Variants in SEPTIN4 observed in about 807,000 individuals in gnomAD.
SEPTIN4 encodes septin 4, also known as septin-4.
SEPTIN4 carries 52 observed loss-of-function variants against 107.1 expected under a neutral mutation model. That is an observed-to-expected ratio of 0.49 (90% CI 0.39 to 0.61). The LOEUF (loss-of-function observed/expected upper bound fraction) is 0.61. Ranked by LOEUF, SEPTIN4 falls within the 20% of genes least tolerant of loss-of-function variation. The pLI is 0.00. For synonymous variants in SEPTIN4, 417 were observed against 467.0 expected (o/e 0.89, Z 1.38); for missense variants, 1,048 against 1,243.5 (o/e 0.84, Z 2.36).
chr17:58,530,480 C>G (rs2043362396), intron 3 of SEPTIN4: 1 of 152,318 alleles, frequency 6.6e-6, no homozygotes, highest in South Asian at 2.1e-4. Context: ...CTGATCTGAA[C>G]CAGTCAGCCT....
intron 1 of SEPTIN4, 118 bp from the exon 2 acceptor site, chr17:58,542,084 C>T: frequency 8.5e-7 from 1 of 1,176,566 alleles, no homozygotes. Context: ...TGCCCTCAGC[C>T]CTTGGTCCTC....
rs148305920 is a variant in SEPTIN4, at chr17:58,543,972, G to C, written c.215C>G (p.Ser72Cys). 24 of 1,613,864 alleles carry C rather than the reference G, an allele frequency of 1.5e-5. No homozygotes were observed. The African/African-American group carries it at 2.8e-4, about 19-fold the overall frequency. Residue 72 changes from serine (S) to cysteine (C), a missense_variant, in exon 1 of 14, where the codon TCC (serine) becomes TGC (cysteine). Coordinates refer to ENST00000672673, the MANE Select transcript of SEPTIN4 (RefSeq NM_001368771.2). ...ATAGTGTCCAGGTCCTGACTGGAGG[G>C]AGACAGATCGAGGGTAGTCTGATGC... ...HSASDYPRSV[S>C]LQSGPGHYAV...
In SEPTIN4 at chr17:58,544,189, G is replaced by A. The variant is rs1261568857; in HGVS notation, c.-3C>T. ...CCAGGTTTATTTGTCTTGACCATCT[G>A]ATAGATTGTGCCCTTCTGAGTAGAT... is the stretch of plus-strand genomic sequence containing the variant. On this transcript the variant is annotated 5_prime_UTR_variant, in exon 1 of 14. Coordinates refer to ENST00000672673, the MANE Select transcript of SEPTIN4 (RefSeq NM_001368771.2). 1.2e-6 allele frequency: 2 copies of A among 1,606,436 alleles called. No homozygotes were observed. The highest frequency in any genetic ancestry group is 1.7e-5 in the Admixed American group (1 of 59,674).
At chr17:58,529,602 G>A (rs1342871609) in intron 3 of SEPTIN4, among the ~76,000 whole-genome samples, 1 of 152,156 alleles carries the variant, frequency 6.6e-6, no homozygotes, top group African/African-American at 2.4e-5. Context: ...CCTGTATGAG[G>A]ACTATGAGCT....
At chr17:58,520,956 G>C in intron 12 of SEPTIN4, 42 bp downstream of exon 12, 1 of 1,612,556 alleles carries the variant, frequency 6.2e-7, no homozygotes, top group African/African-American at 1.3e-5. Context: ...GGCTAGGCTT[G>C]GGATCTCCCC....
At chr17:58,541,029 T>C (rs2043863576) in intron 2 of SEPTIN4, among the ~76,000 whole-genome samples, 1 of 152,156 alleles carries the variant, frequency 6.6e-6, no homozygotes, top group African/African-American at 2.4e-5. Context: ...AGGGCCCAAA[T>C]CCAGTTAGAT....
In SEPTIN4 at chr17:58,520,982, T is replaced by C; in HGVS notation, c.2831+16A>G. 6.2e-7 allele frequency: 1 copy of C among 1,613,736 alleles called. No individual in the cohort carries two copies. The highest frequency in any genetic ancestry group is 8.5e-7 in the Non-Finnish European group (1 of 1,179,944). On this transcript the variant is annotated intron_variant, in intron 12 of 13. Transcript: ENST00000672673. The stretch of plus-strand genomic sequence containing the variant: ...GGATCTCCCCCTGCCAGCTTTGTCC[T>C]GGCTTCTGGTCATACTTGCGATTCC...
intron 2 of SEPTIN4, 34 bp from the exon 3 acceptor site, chr17:58,540,707 G>A: frequency 7.5e-7 from 1 of 1,333,496 alleles, no homozygotes; most frequent in South Asian, 2.0e-5. Context: ...GGCATTCCCA[G>A]GGGGCAGCAA....
Position 58,520,318 on chromosome 17 carries a change from A to G in SEPTIN4, c.*108T>C. 3 of 967,132 alleles carry G rather than the reference A, an allele frequency of 3.1e-6. No individual in the cohort carries two copies. Among genetic ancestry groups the G allele is most frequent in the Non-Finnish European group, 4.8e-6 (3 of 624,804 alleles). 59.9% of individuals were successfully genotyped at this position (967,132 alleles called of 1,614,324 possible). A position where few individuals can be genotyped will look rare whatever the true frequency, so the allele number is the denominator to read the frequency against. On this transcript the variant is annotated 3_prime_UTR_variant, in exon 14 of 14. Transcript: ENST00000672673. ...TCTCTGGGCAGTCAGCAGGGATGTA[A>G]GGCGAAGTGGCAGTAGCTGAAGGGG...
At chr17:58,532,042 G>A (rs1378982143) in intron 3 of SEPTIN4, 2 of 1,123,754 alleles carry the variant, frequency 1.8e-6, no homozygotes, top group Non-Finnish European at 2.2e-6. Context: ...CGACCTCGCA[G>A]CACCGCCGTC....
intron 3 of SEPTIN4, chr17:58,531,982 G>A (rs1332504764): frequency 1.7e-6 from 2 of 1,145,060 alleles, no homozygotes; most frequent in African/African-American, 1.6e-5. Flanking sequence ...CCCGGGCGGG[G>A]CCGGCTCCGC....
intron 3 of SEPTIN4, chr17:58,532,055 C>T (rs1330801119): frequency 9.0e-7 from 1 of 1,113,914 alleles, no homozygotes; most frequent in African/African-American, 1.7e-5. Flanking sequence ...CCGCCGTCAC[C>T]CTCCCGCCTC....
At chr17:58,529,257 CT>C in intron 3 of SEPTIN4, 1 of 1,611,854 alleles carries the variant, frequency 6.2e-7, no homozygotes. Flanking sequence ...CAGAAACAGC[CT>C]TGTTTTGATG....
intron 3 of SEPTIN4, chr17:58,532,039 G>T: frequency 8.9e-7 from 1 of 1,125,036 alleles, no homozygotes; most frequent in Non-Finnish European, 1.1e-6. Flanking sequence ...CGCCGACCTC[G>T]CAGCACCGCC....
In SEPTIN4 at chr17:58,544,177, T is replaced by C. The variant is rs766015575; in HGVS notation, c.10A>G (p.Thr4Ala). The change falls in exon 1 of 14, where the codon ACA becomes GCA. Residue 4 changes from threonine (T) to alanine (A), a missense_variant. By Grantham distance (58) the Thr-to-Ala change is moderately conservative (BLOSUM62 0). Around this residue, in one of 2 missense-constraint regions of SEPTIN4, gnomAD observed 787 missense variants for 871.8 expected, o/e 0.90. Transcript: ENST00000672673. MVKTNKPGAKVAVS... is the reference protein window; with the variant it reads MVKANKPGAKVAVS... ...GCTACCTTGGCCCCAGGTTTATTTG[T>C]CTTGACCATCTGATAGATTGTGCCC... The C allele has an allele frequency of 1.1e-5, 18 of 1,610,262 alleles. No homozygotes were observed. The African/African-American group carries it at 2.4e-4, about 22-fold the overall frequency.
At chr17:58,529,405 C>T in intron 3 of SEPTIN4, 2 of 1,412,874 alleles carry the variant, frequency 1.4e-6, no homozygotes, top group Non-Finnish European at 1.8e-6. Context: ...CTCCCACCCT[C>T]CAAGGACAGC....
chr17:58,521,916 G>C lies in SEPTIN4; in HGVS notation c.2351+51C>G. 1.2e-6 allele frequency: 2 copies of C among 1,614,252 alleles called. No individual in the cohort carries two copies. Among genetic ancestry groups the C allele is most frequent in the Non-Finnish European group, 1.7e-6 (2 of 1,180,040 alleles). The stretch of plus-strand genomic sequence containing the variant: ...GCCCTGCCCCTGGTGCTCTTGGCCT[G>C]TTCCCTTGACAGCACCCGGTGGTGC... On this transcript the variant is annotated intron_variant, in intron 8 of 13. Coordinates refer to ENST00000672673, the MANE Select transcript of SEPTIN4 (RefSeq NM_001368771.2). This position sits in a 1 kb window ranked among gnomAD's most constrained non-coding sequence, Gnocchi z 6.4.
rs1171991085 is a variant in SEPTIN4 at position 58,526,224 on chromosome 17, C to T, written c.2001G>A (p.Val667=). The change falls in exon 5 of 14, where the codon GTG becomes GTA. Residue 667 remains valine (V), a synonymous_variant. Coordinates refer to ENST00000672673, the MANE Select transcript of SEPTIN4 (RefSeq NM_001368771.2). ...VKKGFDFTLM[V]AGESGLGKST... is the part of the protein sequence containing the mutation. ...CCAGCCCTGCCCCTTTTTTACCTGC[C>T]ACCATGAGGGTAAAGTCAAAGCCTT... 3 of 1,591,018 alleles carry T rather than the reference C, an allele frequency of 1.9e-6. No individual in the cohort carries two copies. The highest frequency in any genetic ancestry group is 3.6e-5 in the Admixed American group (2 of 55,702).
At chr17:58,527,300 A>C in intron 3 of SEPTIN4, 6 of 503,986 alleles carry the variant, frequency 1.2e-5, no homozygotes, top group South Asian at 8.7e-5. Flanking sequence ...ATGTTTTTTG[A>C]GGCTGCCTTT....
Sources: allele counts gnomAD v4.1 joint callset (sites outside exome capture counted in the v4.1 genomes callset), GRCh38; gene constraint gnomAD v4.1.1; regional missense constraint gnomAD v4.1.1; non-coding constraint Gnocchi (gnomAD v3.1); transcripts MANE v1.5; gene names NCBI Gene and HGNC (gene_info 2026-07-23, HGNC 2026-07-21).